The following GRAMD4 variants were observed in gnomAD, a reference collection of about 807,000 sequenced individuals.
The protein encoded by GRAMD4 is GRAM domain-containing protein 4.
GRAMD4 carries 25 observed loss-of-function variants against 83.9 expected under a neutral mutation model. The ratio of observed to expected loss-of-function variants is 0.30; its 90% confidence interval spans 0.22 to 0.42. The LOEUF (loss-of-function observed/expected upper bound fraction) is 0.42. GRAMD4 is among the 10% of genes least tolerant of loss of function. The probability of loss-of-function intolerance (pLI) is 1.00; values close to 1 mark genes in which losing one functional copy is unlikely to be tolerated. For missense variants in GRAMD4, 593 were observed against 788.7 expected (o/e 0.75, Z 2.97); for synonymous variants, 336 against 320.9 (o/e 1.05, Z -0.50).
At chr22:46,588,588 G>A (rs2081174780) in intron 1 of GRAMD4, among the ~76,000 whole-genome samples, 1 of 152,248 alleles carries the variant, frequency 6.6e-6, no homozygotes, top group African/African-American at 2.4e-5. Context: ...GCCATCAGCT[G>A]CCTTTGGAGA....
Position 46,649,802 on chromosome 22 carries a change from A to C in GRAMD4, c.284-8385A>C, listed in dbSNP as rs530615376. Among the ~76,000 whole-genome samples the C allele has an allele frequency of 1.3e-4, 20 of 152,322 alleles. No homozygotes were observed. In the South Asian group the frequency reaches 3.9e-3, roughly 30 times the overall value. On this transcript the variant is annotated intron_variant, in intron 3 of 18. Transcript: ENST00000406902. ...CAAAACTTCACAATAAAAGCGAGGC[A>C]TTTCTTGGAATTCTCTGTTTTCCCT...
At chr22:46,646,720 C>A (rs1234102427) in intron 3 of GRAMD4, among the ~76,000 whole-genome samples, 1 of 152,200 alleles carries the variant, frequency 6.6e-6, no homozygotes, top group East Asian at 1.9e-4. Flanking sequence ...TCTGCTCTTA[C>A]AGTTTCTCTG....
intron 2 of GRAMD4, among the ~76,000 whole-genome samples, chr22:46,630,409 TTGAG>T (rs1341050550): frequency 4.6e-5 from 7 of 152,184 alleles, no homozygotes; most frequent in Non-Finnish European, 1.0e-4. Context: ...ATGCCTGCGA[TTGAG>T]TGTTTGTGTG....
At chr22:46,605,317 T>G (rs1306679847) in intron 1 of GRAMD4, among the ~76,000 whole-genome samples, 1 of 152,258 alleles carries the variant, frequency 6.6e-6, no homozygotes, top group East Asian at 1.9e-4. Context: ...TATTCCATGG[T>G]GTGGATGGGC....
rs553391302 is a variant in GRAMD4, at chr22:46,599,739, G to A, written c.-50+22449G>A. Among the ~76,000 whole-genome samples the A allele has an allele frequency of 2.0e-3, 306 of 152,320 alleles. 1 individual carries two copies. The highest frequency in any genetic ancestry group is 3.7e-3 in the Non-Finnish European group (252 of 68,032). ...ATGAGCATCTTGGTTCTGTCTGGAA[G>A]ATGGAGATTGAAATGTTTCCACAAG... On this transcript the variant is annotated intron_variant, in intron 1 of 1. Coordinates refer to the GRAMD4 transcript ENST00000431155.
chr22:46,635,796 C>G (rs1008398975), intron 2 of GRAMD4, among the ~76,000 whole-genome samples: 1 of 81,738 alleles, frequency 1.2e-5, no homozygotes, highest in African/African-American at 3.9e-5. Flanking sequence ...CTCCCTGCCC[C>G]CCACCCCCCC....
intron 3 of GRAMD4, among the ~76,000 whole-genome samples, chr22:46,643,167 C>G (rs1368444299): frequency 1.3e-4 from 18 of 143,150 alleles, no homozygotes; most frequent in East Asian, 8.0e-4. Context: ...ATCCATCCAT[C>G]CATCCATCCA....
At chr22:46,629,426 TG>T (rs1363369560) in intron 2 of GRAMD4, among the ~76,000 whole-genome samples, 3 of 152,200 alleles carry the variant, frequency 2.0e-5, no homozygotes, top group Admixed American at 6.5e-5. Flanking sequence ...ACCCTCCTCC[TG>T]GTTCCAGGGC....
chr22:46,603,286 C>G (rs1444649213), intron 1 of GRAMD4, among the ~76,000 whole-genome samples: 2 of 141,506 alleles, frequency 1.4e-5, no homozygotes, highest in Admixed American at 1.5e-4. Flanking sequence ...CGGCTCACTG[C>G]AAGCTCCGCC....
intron 2 of GRAMD4, among the ~76,000 whole-genome samples, chr22:46,632,184 T>G (rs2081784551): frequency 6.6e-6 from 1 of 152,036 alleles, no homozygotes; most frequent in Non-Finnish European, 1.5e-5. Flanking sequence ...TGGGTGGGCT[T>G]GAGGGGCCCA....
At chr22:46,660,785 C>T (rs914480201) in intron 4 of GRAMD4, among the ~76,000 whole-genome samples, 2 of 152,220 alleles carry the variant, frequency 1.3e-5, no homozygotes, top group Non-Finnish European at 2.9e-5. Flanking sequence ...CCTCCCTCCC[C>T]ACTCCCGCTT....
At chr22:46,595,866 C>G (rs1602310217) in intron 1 of GRAMD4, among the ~76,000 whole-genome samples, 1 of 152,240 alleles carries the variant, frequency 6.6e-6, no homozygotes, top group African/African-American at 2.4e-5. Context: ...AGTGCTGTTT[C>G]TGTACCCTGG....
chr22:46,664,013 G>T lies in GRAMD4; in HGVS notation c.626-13G>T, dbSNP rs1271165067. ...CCCACAGTGCTGACCACTGTGGTCT[G>T]CTCTGTCCCCAGAGCGCGGTGCCAA... is the stretch of plus-strand genomic sequence containing the variant. On this transcript the variant is annotated splice_polypyrimidine_tract_variant and intron_variant, in intron 7 of 18. Transcript: ENST00000406902. 2 of 1,608,826 alleles carry T rather than the reference G, an allele frequency of 1.2e-6. No homozygotes were observed. The highest frequency in any genetic ancestry group is 2.2e-5 in the South Asian group (2 of 90,982).
chr22:46,605,385 G>T (rs2081355200), intron 1 of GRAMD4, among the ~76,000 whole-genome samples: 1 of 152,218 alleles, frequency 6.6e-6, no homozygotes, highest in Non-Finnish European at 1.5e-5. Flanking sequence ...CACCCTTTTG[G>T]CTCTTACGAA....
chr22:46,657,750 G>A (rs1473931831), intron 3 of GRAMD4, among the ~76,000 whole-genome samples: 1 of 152,220 alleles, frequency 6.6e-6, no homozygotes, highest in Non-Finnish European at 1.5e-5. Flanking sequence ...CCTTTGCTCT[G>A]CTGCCGACGC....
rs1294703839 is a variant in GRAMD4, at chr22:46,658,261, C to T, written c.358C>T (p.Arg120Trp). The T allele has an allele frequency of 4.3e-6, 7 of 1,613,290 alleles. No individual in the cohort carries two copies. Among genetic ancestry groups the T allele is most frequent in the East Asian group, 2.2e-5 (1 of 44,880 alleles). The stretch of plus-strand genomic sequence containing the variant: ...GCAGGAGCTGGACCGCGAGCGGCAG[C>T]GGCGGATGGAGCTGGAGCAGAAGGT... ...LRQELDRERQ[R>W]RMELEQKVQE... The change falls in exon 4 of 19, where the codon CGG becomes TGG. Residue 120 changes from arginine to tryptophan, a missense_variant. By Grantham distance (101) the Arg-to-Trp change is moderately radical (BLOSUM62 -3). Transcript: ENST00000406902.
chr22:46,586,670 G>T (rs1327769297), intron 1 of GRAMD4, among the ~76,000 whole-genome samples: 1 of 152,210 alleles, frequency 6.6e-6, no homozygotes, highest in Non-Finnish European at 1.5e-5. Context: ...TCGCTGGTGG[G>T]GTCTCAGCTT....
chr22:46,600,168 A>C (rs1219674460), intron 1 of GRAMD4, among the ~76,000 whole-genome samples: 3 of 152,270 alleles, frequency 2.0e-5, no homozygotes, highest in Non-Finnish European at 4.4e-5. Flanking sequence ...CTTCTGTGAG[A>C]GAATCACCTG....
upstream of GRAMD4, among the ~76,000 whole-genome samples, chr22:46,619,630 T>A (rs552205011): frequency 2.6e-5 from 4 of 152,318 alleles, no homozygotes; most frequent in East Asian, 7.7e-4. Context: ...CCTTCTTTGC[T>A]GGCCGCCCCC....
Sources: gnomAD v4.1 joint callset for allele counts (sites outside exome capture counted in the v4.1 genomes callset) on GRCh38, gnomAD v4.1.1 for gene constraint, MANE v1.5 for transcripts, NCBI Gene and HGNC (gene_info 2026-07-23, HGNC 2026-07-21) for gene names.